Variants in SERPINE2 observed in about 807,000 individuals in gnomAD.
SERPINE2 encodes the protein glia-derived nexin.
In SERPINE2, 14 loss-of-function variants were observed where a neutral mutation model predicts 36.3. The observed-to-expected ratio is 0.39, with a 90% CI of 0.25 to 0.60. The LOEUF (loss-of-function observed/expected upper bound fraction) is 0.60, where lower values mean the gene tolerates loss of function less well. Among genes scored for constraint, SERPINE2 ranks in the 20% least tolerant of loss-of-function variants. SERPINE2 has a pLI of 0.57. For synonymous variants in SERPINE2, 192 were observed against 191.8 expected, an observed-to-expected ratio of 1.00 and a Z score of -0.01; for missense variants, 418 against 499.6, an observed-to-expected ratio of 0.84 and a Z score of 1.56.
chr2:223,985,799 T>C (rs1690405400), intron 4 of SERPINE2, among the ~76,000 whole-genome samples: 1 of 152,216 alleles, frequency 6.6e-6, no homozygotes, highest in East Asian at 1.9e-4. Flanking sequence ...CCCTATTCAC[T>C]CTTCACCCAT....
In SERPINE2 at chr2:223,991,676, C is replaced by T. The variant is rs1034946827; in HGVS notation, c.685+127G>A. The stretch of plus-strand genomic sequence containing the variant: ...TTTATAAAAATCCTGCCTCTCAGCA[C>T]CCTGCTCTGTTCCCCAGTTTTTTAA... On this transcript the variant is annotated intron_variant, in intron 4 of 8. Coordinates refer to ENST00000409304, the MANE Select transcript of SERPINE2 (RefSeq NM_001136528.2). 9.3e-6 allele frequency: 9 copies of T among 967,980 alleles called. No individual in the cohort carries two copies. In the Admixed American group the frequency reaches 1.6e-4, roughly 17 times the overall value. The allele number at this position is 967,980 out of a possible 1,614,324, so 60.0% of individuals were successfully genotyped here.
In SERPINE2 at chr2:223,980,704, T is replaced by C. The variant is rs1446996488; in HGVS notation, c.986-307A>G. The C allele has an allele frequency of 1.8e-5, 4 of 220,980 alleles. No homozygotes were observed. In the East Asian group the frequency reaches 4.3e-4, roughly 24 times the overall value. 13.7% of individuals were successfully genotyped at this position (220,980 alleles called of 1,614,324 possible). ...TTTAAAAATGAAAAGAGCAGAGCTT[T>C]AAAAAGGAAGCCCGGTTTTCTGGAA... On this transcript the variant is annotated intron_variant, in intron 6 of 8. Transcript: ENST00000409304.
intron 1 of SERPINE2, among the ~76,000 whole-genome samples, chr2:224,011,182 G>T (rs961355241): frequency 6.6e-6 from 1 of 152,154 alleles, no homozygotes; most frequent in Non-Finnish European, 1.5e-5. Context: ...TCTTTAAGAC[G>T]TAATGGTCCA....
chr2:224,008,819 ACT>A (rs1691517127), intron 1 of SERPINE2, among the ~76,000 whole-genome samples: 1 of 152,082 alleles, frequency 6.6e-6, no homozygotes, highest in Non-Finnish European at 1.5e-5. Context: ...CATTTACACC[ACT>A]CTCTGGAATA....
At chr2:224,031,721 A>G (rs1020118) in intron 1 of SERPINE2, among the ~76,000 whole-genome samples, 97,351 of 149,612 alleles carry the variant, frequency 0.65, 31,874 homozygotes, top group South Asian at 0.71. Context: ...GACTGAAACT[A>G]AGCCAATCAG....
chr2:224,034,698 G>A (rs2106206237), intron 1 of SERPINE2, among the ~76,000 whole-genome samples: 1 of 152,234 alleles, frequency 6.6e-6, no homozygotes, highest in South Asian at 2.1e-4. Flanking sequence ...TGTTCCAAGG[G>A]TGGGGGACTC....
chr2:224,032,488 T>C (rs1213372129), intron 1 of SERPINE2, among the ~76,000 whole-genome samples: 1 of 152,130 alleles, frequency 6.6e-6, no homozygotes, highest in South Asian at 2.1e-4. Context: ...GAGTTCACAC[T>C]AGGGGTTGGG....
intron 1 of SERPINE2, among the ~76,000 whole-genome samples, chr2:224,007,353 T>C (rs1025246027): frequency 2.0e-5 from 3 of 152,196 alleles, no homozygotes; most frequent in South Asian, 2.1e-4. Context: ...TTATAAAACA[T>C]ACATATATTT....
intron 1 of SERPINE2, among the ~76,000 whole-genome samples, chr2:224,007,797 G>T (rs1691481581): frequency 6.6e-6 from 1 of 152,076 alleles, no homozygotes; most frequent in Non-Finnish European, 1.5e-5. Context: ...AAAAAAACAG[G>T]TTATTTGCCC....
At chr2:224,022,334 GAAAA>G (rs11283961) in intron 1 of SERPINE2, among the ~76,000 whole-genome samples, 1 of 123,464 alleles carries the variant, frequency 8.1e-6, no homozygotes, top group South Asian at 2.7e-4. Context: ...CCTGTCTCAA[GAAAA>G]AAAAAAAAAA....
At chr2:224,037,831 C>T (rs1384851150) in intron 1 of SERPINE2, among the ~76,000 whole-genome samples, 1 of 152,098 alleles carries the variant, frequency 6.6e-6, no homozygotes, top group African/African-American at 2.4e-5. Flanking sequence ...GAATAAAATA[C>T]GATGACATTT....
chr2:224,010,586 G>A lies in SERPINE2; in HGVS notation c.-22-8664C>T, dbSNP rs536347291. Among the ~76,000 whole-genome samples, 28 of 152,108 alleles carry A rather than the reference G, an allele frequency of 1.8e-4. No homozygotes were observed. In the South Asian group the frequency reaches 4.8e-3, roughly 26 times the overall value. On this transcript the variant is annotated intron_variant, in intron 1 of 8. Coordinates refer to ENST00000409304, the MANE Select transcript of SERPINE2 (RefSeq NM_001136528.2). Reference sequence around the variant, plus strand: ...TCATTCTATTTTCCTCTAAGTTTCCGGGAAAATTCACCTAAAGTTCAAATT... The same window carrying A: ...TCATTCTATTTTCCTCTAAGTTTCCAGGAAAATTCACCTAAAGTTCAAATT...
intron 6 of SERPINE2, 112 bp downstream of exon 6, chr2:223,982,568 TG>T: frequency 1.7e-6 from 1 of 582,832 alleles, no homozygotes; most frequent in South Asian, 2.6e-5. Context: ...AATGAAACCT[TG>T]TACAGTTTCA....
At chr2:224,031,138 CATGG>C in intron 1 of SERPINE2, 1 of 985,358 alleles carries the variant, frequency 1.0e-6, no homozygotes, top group Non-Finnish European at 1.2e-6. Context: ...TTTGAATATC[CATGG>C]TATCAGCTCA....
chr2:224,015,212 A>T (rs937030663), intron 1 of SERPINE2, among the ~76,000 whole-genome samples: 1 of 152,148 alleles, frequency 6.6e-6, no homozygotes, highest in Admixed American at 6.5e-5. Flanking sequence ...GGGGAAACAG[A>T]CCTTAATCAA....
At chr2:224,031,292 T>G (rs1692356507) in intron 1 of SERPINE2, 1 of 985,414 alleles carries the variant, frequency 1.0e-6, no homozygotes, top group East Asian at 1.1e-4. Flanking sequence ...GTGGACCCTT[T>G]ATCTCTGCCA....
At chr2:223,987,927 A>G (rs573488977) in intron 4 of SERPINE2, among the ~76,000 whole-genome samples, 1 of 152,356 alleles carries the variant, frequency 6.6e-6, no homozygotes, top group East Asian at 1.9e-4. Flanking sequence ...ACAAGTAAAT[A>G]TGGATTTCCT....
intron 5 of SERPINE2, among the ~76,000 whole-genome samples, chr2:223,983,012 G>T (rs1046143486): frequency 6.6e-6 from 1 of 152,178 alleles, no homozygotes. Flanking sequence ...AAGAATAGGC[G>T]CTCCCACCCT....
At position 223,980,282 on chromosome 2, in the gene SERPINE2, G is replaced by A. The variant is rs749562059; in HGVS notation, c.1072+29C>T. On this transcript the variant is annotated intron_variant, in intron 7 of 8. Coordinates refer to ENST00000409304, the MANE Select transcript of SERPINE2 (RefSeq NM_001136528.2). The stretch of plus-strand genomic sequence containing the variant: ...GAATGTGTTTGCTCCCCTGCTAGAG[G>A]AAGCCCTGCCACGTGACCCAGTGCT... 1.9e-6 allele frequency: 3 copies of A among 1,569,042 alleles called. No individual in the cohort carries two copies. In the South Asian group the frequency reaches 3.3e-5, roughly 17 times the overall value.
Sources: gnomAD v4.1 joint callset for allele counts (sites outside exome capture counted in the v4.1 genomes callset) on GRCh38, gnomAD v4.1.1 for gene constraint, MANE v1.5 for transcripts, NCBI Gene and HGNC (gene_info 2026-07-23, HGNC 2026-07-21) for gene names.